Variants in CD3E observed in about 807,000 individuals in gnomAD.
The protein encoded by CD3E is T-cell surface glycoprotein CD3 epsilon chain.
CD3E carries 16 observed loss-of-function variants against 34.7 expected under a neutral mutation model. The observed-to-expected ratio is 0.46, with a 90% CI of 0.31 to 0.70. CD3E has a LOEUF of 0.70. CD3E is among the 30% of genes least tolerant of loss of function. The pLI is 0.05. For synonymous variants in CD3E, 70 were observed against 90.8 expected, an observed-to-expected ratio of 0.77 and a Z score of 1.30; for missense variants, 223 against 253.9, an observed-to-expected ratio of 0.88 and a Z score of 0.83.
intron 4 of CD3E, among the ~76,000 whole-genome samples, chr11:118,310,433 T>C (rs1034716702): frequency 1.3e-5 from 2 of 152,258 alleles, no homozygotes; most frequent in African/African-American, 2.4e-5. Flanking sequence ...GTCCCATCCA[T>C]GTTCCTGCAA....
chr11:118,314,545 G>C lies in CD3E; in HGVS notation c.567+51G>C, dbSNP rs376993924. Reference sequence around the variant, plus strand: ...GACGCTGGAGGGGATGTCCCTCCAGGGGGGAAGGAAACAGATGGGATGGCC... The same window carrying C: ...GACGCTGGAGGGGATGTCCCTCCAGCGGGGAAGGAAACAGATGGGATGGCC... On this transcript the variant is annotated intron_variant, in intron 8 of 8. Coordinates refer to ENST00000361763, the MANE Select transcript of CD3E (RefSeq NM_000733.4). 19 of 1,547,816 alleles carry C rather than the reference G, an allele frequency of 1.2e-5. 1 individual carries two copies. The highest frequency in any genetic ancestry group is 1.7e-4 in the Middle Eastern group (1 of 5,764).
chr11:118,312,248 G>A, intron 5 of CD3E, 78 bp downstream of exon 5: 1 of 1,237,610 alleles, frequency 8.1e-7, no homozygotes, highest in Non-Finnish European at 1.2e-6. Flanking sequence ...CTGATTGAGA[G>A]AGATTAACCC....
At chr11:118,313,576 G>A (rs753248806) in intron 6 of CD3E, 131 bp from the exon 7 acceptor site, 3 of 828,818 alleles carry the variant, frequency 3.6e-6, no homozygotes, top group African/African-American at 1.7e-5. Context: ...CATATTGAAG[G>A]GGGGGCTCTG....
chr11:118,313,893 G>C lies in CD3E; in HGVS notation c.520+19G>C, dbSNP rs1256028065. On this transcript the variant is annotated intron_variant, in intron 7 of 8. Coordinates refer to ENST00000361763, the MANE Select transcript of CD3E (RefSeq NM_000733.4). Reference sequence around the variant, plus strand: ...CAAAGGGGTAAGGCTGTGGAGTCCAGTCAGAGGAGATTCCTGCCAAGGGGG... The same window carrying C: ...CAAAGGGGTAAGGCTGTGGAGTCCACTCAGAGGAGATTCCTGCCAAGGGGG... 3 of 1,612,066 alleles carry C rather than the reference G, an allele frequency of 1.9e-6. No individual in the cohort carries two copies. The highest frequency in any genetic ancestry group is 2.2e-5 in the South Asian group (2 of 90,972).
intron 2 of CD3E, among the ~76,000 whole-genome samples, chr11:118,307,026 CT>C (rs1249815611): frequency 1.3e-5 from 2 of 152,056 alleles, no homozygotes; most frequent in Non-Finnish European, 2.9e-5. Context: ...TTTCTGACTC[CT>C]GCTTGTCAAA....
chr11:118,313,702 C>A lies in CD3E; in HGVS notation c.353-5C>A, dbSNP rs374456909. 7 of 1,613,890 alleles carry A rather than the reference C, an allele frequency of 4.3e-6. No homozygotes were observed. Among genetic ancestry groups the A allele is most frequent in the East Asian group, 4.5e-5 (2 of 44,886 alleles). On this transcript the variant is annotated splice_region_variant and splice_polypyrimidine_tract_variant and intron_variant, in intron 6 of 8. Coordinates refer to ENST00000361763, the MANE Select transcript of CD3E (RefSeq NM_000733.4). ...TTTCCCCTCTCCCCACCCCACCCCC[C>A]ACAGTGTGTGAGAACTGCATGGAGA...
intron 5 of CD3E, 195 bp from the exon 6 acceptor site, chr11:118,312,422 TC>T: frequency 1.4e-6 from 1 of 731,516 alleles, no homozygotes; most frequent in South Asian, 1.8e-5. Context: ...CTAGTTCCCT[TC>T]AAGGTTCTCT....
rs1394552230 is a variant in CD3E, at chr11:118,315,740, G to C, written c.*198G>C. The C allele has an allele frequency of 1.6e-6, 1 of 633,914 alleles. No homozygotes were observed. Among genetic ancestry groups the C allele is most frequent in the Non-Finnish European group, 2.9e-6 (1 of 350,690 alleles). The allele number at this position is 633,914 out of a possible 1,614,324, so 39.3% of individuals were successfully genotyped here. The stretch of plus-strand genomic sequence containing the variant: ...TGGTACCCAGTCCTAAAATATTGCT[G>C]CTTCCTCTTCCTTTGAAGCATCATC... On this transcript the variant is annotated 3_prime_UTR_variant, in exon 9 of 9. Transcript: ENST00000361763.
chr11:118,315,499 G>T lies in CD3E; in HGVS notation c.581G>T (p.Gly194Val). The T allele has an allele frequency of 1.9e-6, 3 of 1,613,368 alleles. No individual in the cohort carries two copies. The highest frequency in any genetic ancestry group is 1.1e-5 in the South Asian group (1 of 90,870). ...TTTCACCCCCAGCCCATCCGGAAAGGCCAGCGGGACCTGTATTCTGGCCTG... is the reference window on the plus strand; with the variant it reads ...TTTCACCCCCAGCCCATCCGGAAAGTCCAGCGGGACCTGTATTCTGGCCTG... ...PNPDYEPIRKGQRDLYSGLNQ... is the reference protein window; with the variant it reads ...PNPDYEPIRKVQRDLYSGLNQ... The change falls in exon 9 of 9, where the codon GGC (glycine) becomes GTC (valine). Residue 194 changes from glycine (G) to valine (V), a missense_variant. Gly to Val is a moderately radical substitution (Grantham distance 109). Transcript: ENST00000361763.
chr11:118,309,955 C>A (rs562728497), intron 4 of CD3E, among the ~76,000 whole-genome samples: 4 of 152,128 alleles, frequency 2.6e-5, no homozygotes, highest in Non-Finnish European at 5.9e-5. Flanking sequence ...TGTACTCGAG[C>A]CTCTGTGGCA....
chr11:118,314,296 A>G, intron 7 of CD3E, 152 bp from the exon 8 acceptor site: 1 of 712,004 alleles, frequency 1.4e-6, no homozygotes. Flanking sequence ...ATGAAAGAAA[A>G]AAAAAGAGAA....
chr11:118,308,197 G>A (rs1565510348), intron 3 of CD3E, among the ~76,000 whole-genome samples: 1 of 152,140 alleles, frequency 6.6e-6, no homozygotes, highest in Non-Finnish European at 1.5e-5. Context: ...CATTATGCCA[G>A]CCTAGATTCC....
At chr11:118,305,367 G>A (rs998555652) in intron 2 of CD3E, among the ~76,000 whole-genome samples, 3 of 152,160 alleles carry the variant, frequency 2.0e-5, no homozygotes, top group African/African-American at 2.4e-5. Flanking sequence ...AGATACTTGC[G>A]TCCAAACTCT....
intron 2 of CD3E, among the ~76,000 whole-genome samples, chr11:118,305,780 G>A (rs1487208538): frequency 1.3e-5 from 2 of 152,150 alleles, no homozygotes; most frequent in Non-Finnish European, 2.9e-5. Flanking sequence ...AGTAAGTGCC[G>A]AAGCCAATCT....
chr11:118,306,512 TAAATAAATAAATAA>T (rs765704835), intron 2 of CD3E, among the ~76,000 whole-genome samples: 1 of 64,000 alleles, frequency 1.6e-5, no homozygotes, highest in African/African-American at 4.4e-5. Context: ...AATAAATAAA[TAAATAAATAAATAA>T]AAGAGACAGT....
intron 7 of CD3E, 117 bp downstream of exon 7, chr11:118,313,991 A>G: frequency 1.1e-6 from 1 of 938,476 alleles, no homozygotes; most frequent in Admixed American, 2.0e-5. Flanking sequence ...GCTTCTATGC[A>G]CAGCTTCTAT....
intron 2 of CD3E, among the ~76,000 whole-genome samples, chr11:118,305,511 T>C (rs190312272): frequency 4.1e-4 from 62 of 152,330 alleles, no homozygotes; most frequent in Admixed American, 5.9e-4. Context: ...AATTGATAAA[T>C]AACCAAGAGC....
At chr11:118,313,944 G>T (rs758629254) in intron 7 of CD3E, 70 bp downstream of exon 7, 2 of 1,530,228 alleles carry the variant, frequency 1.3e-6, no homozygotes, top group Non-Finnish European at 1.8e-6. Context: ...CAGGGTGGGT[G>T]GCAAGTCCAC....
At chr11:118,308,368 G>T in intron 3 of CD3E, 59 bp from the exon 4 acceptor site, 2 of 1,350,198 alleles carry the variant, frequency 1.5e-6, no homozygotes, top group Non-Finnish European at 1.1e-6. Context: ...CGGGAGCAGG[G>T]TCTGATCTTC....
Sources: gnomAD v4.1 joint callset for allele counts (sites outside exome capture counted in the v4.1 genomes callset) on GRCh38, gnomAD v4.1.1 for gene constraint, MANE v1.5 for transcripts, NCBI Gene and HGNC (gene_info 2026-07-23, HGNC 2026-07-21) for gene names.